The following MZT1 variants were observed in gnomAD, a reference collection of about 807,000 sequenced individuals.
MZT1 encodes mitotic-spindle organizing protein 1.
Under a neutral mutation model 8.5 loss-of-function variants are expected in MZT1, and 8 were observed. The ratio of observed to expected loss-of-function variants is 0.94; its 90% CI spans 0.55 to 1.70. MZT1 has a LOEUF of 1.70. MZT1 is among the 40% of genes most tolerant of loss of function. The probability of loss-of-function intolerance (pLI) is 0.00; values close to 1 mark genes in which losing one functional copy is unlikely to be tolerated. For missense variants in MZT1, 93 were observed against 108.6 expected (o/e 0.86, Z 0.64); for synonymous variants, 38 against 42.0 (o/e 0.90, Z 0.37).
chr13:72,715,322 T>A (rs1331031869), intron 2 of MZT1, among the ~76,000 whole-genome samples: 1 of 152,184 alleles, frequency 6.6e-6, no homozygotes, highest in Non-Finnish European at 1.5e-5. Context: ...ATAATCCCAT[T>A]GTGTCTTGGA....
chr13:72,714,580 T>C (rs1371726715), intron 2 of MZT1, among the ~76,000 whole-genome samples: 1 of 152,132 alleles, frequency 6.6e-6, no homozygotes, highest in Admixed American at 6.5e-5. Flanking sequence ...CCCTGAGAAC[T>C]AGGATAGAAT....
At chr13:72,723,498 T>C (rs2138018411) in intron 1 of MZT1, among the ~76,000 whole-genome samples, 1 of 152,308 alleles carries the variant, frequency 6.6e-6, no homozygotes, top group Non-Finnish European at 1.5e-5. Flanking sequence ...AGGTGCACAA[T>C]ACACAGTTCA....
At chr13:72,711,919 T>C (rs531424607) in intron 2 of MZT1, among the ~76,000 whole-genome samples, 2 of 152,318 alleles carry the variant, frequency 1.3e-5, no homozygotes, top group South Asian at 2.1e-4. Context: ...GTTATTCTTT[T>C]TCAATTCACT....
intron 1 of MZT1, among the ~76,000 whole-genome samples, chr13:72,720,542 TGA>T (rs2032582033): frequency 1.3e-5 from 2 of 152,320 alleles, no homozygotes; most frequent in South Asian, 4.1e-4. Flanking sequence ...ATCATGTTCA[TGA>T]GATAGGTCCC....
intron 2 of MZT1, among the ~76,000 whole-genome samples, chr13:72,713,318 A>T (rs767350302): frequency 2.0e-5 from 3 of 152,202 alleles, no homozygotes; most frequent in Non-Finnish European, 4.4e-5. Context: ...AGATGTCCTA[A>T]AATTTTGGAA....
chr13:72,722,980 A>C (rs1195127813), intron 1 of MZT1, among the ~76,000 whole-genome samples: 1 of 152,172 alleles, frequency 6.6e-6, no homozygotes, highest in Admixed American at 6.5e-5. Context: ...TGTACATTCT[A>C]AGTGGTTACC....
intron 2 of MZT1, 35 bp downstream of exon 2, chr13:72,718,917 T>C: frequency 6.5e-7 from 1 of 1,527,738 alleles, no homozygotes; most frequent in Non-Finnish European, 8.8e-7. Flanking sequence ...AATAAAAGCA[T>C]CTTTATTTAG....
At chr13:72,727,240 G>T (rs1169147393) in intron 1 of MZT1, among the ~76,000 whole-genome samples, 1 of 152,222 alleles carries the variant, frequency 6.6e-6, no homozygotes, top group Non-Finnish European at 1.5e-5. Context: ...GACCTGGGAT[G>T]CGGGATAGAG....
chr13:72,722,311 G>A (rs985104425), intron 1 of MZT1, among the ~76,000 whole-genome samples: 2 of 152,184 alleles, frequency 1.3e-5, no homozygotes, highest in African/African-American at 4.8e-5. Flanking sequence ...ATTAGTGTGA[G>A]AATTAAAGGA....
intron 2 of MZT1, among the ~76,000 whole-genome samples, chr13:72,710,720 C>G (rs1393190887): frequency 6.6e-6 from 1 of 152,056 alleles, no homozygotes; most frequent in Non-Finnish European, 1.5e-5. Context: ...ACCTTTCATG[C>G]TACAAGGCAG....
intron 1 of MZT1, among the ~76,000 whole-genome samples, chr13:72,721,194 G>A (rs995602009): frequency 2.6e-5 from 4 of 152,168 alleles, no homozygotes; most frequent in African/African-American, 4.8e-5. Flanking sequence ...ATGAGATACC[G>A]TTATCTGGAA....
chr13:72,715,347 T>C (rs557098063), intron 2 of MZT1, among the ~76,000 whole-genome samples: 1 of 149,708 alleles, frequency 6.7e-6, no homozygotes, highest in South Asian at 2.1e-4. Flanking sequence ...AATAACTTGT[T>C]TTAGATTTTA....
chr13:72,723,842 A>G (rs942593998), intron 1 of MZT1, among the ~76,000 whole-genome samples: 3 of 29,094 alleles, frequency 1.0e-4, no homozygotes, highest in African/African-American at 1.2e-4. Flanking sequence ...GATTCCAGAT[A>G]TAAGTAAAAT....
chr13:72,723,712 C>T (rs958967810), intron 1 of MZT1, among the ~76,000 whole-genome samples: 8 of 152,054 alleles, frequency 5.3e-5, no homozygotes, highest in Admixed American at 2.6e-4. Flanking sequence ...CAACCTCTAA[C>T]TATATGTATT....
At chr13:72,725,220 A>AC (rs1208153047) in intron 1 of MZT1, among the ~76,000 whole-genome samples, 1 of 152,178 alleles carries the variant, frequency 6.6e-6, no homozygotes, top group Non-Finnish European at 1.5e-5. Context: ...AAAAGAGGCA[A>AC]CCATACACAG....
At chr13:72,722,059 C>T (rs1001602682) in intron 1 of MZT1, among the ~76,000 whole-genome samples, 2 of 152,162 alleles carry the variant, frequency 1.3e-5, no homozygotes, top group East Asian at 1.9e-4. Flanking sequence ...AATTTCACAG[C>T]TGTTGTTCCT....
In MZT1 at chr13:72,709,421, T is replaced by A. The variant is rs1468028820; in HGVS notation, c.*901A>T. 1 of 151,944 alleles carries A rather than the reference T, an allele frequency of 6.6e-6. No homozygotes were observed. Among genetic ancestry groups the A allele is most frequent in the Non-Finnish European group, 1.5e-5 (1 of 67,918 alleles). 9.4% of individuals were successfully genotyped at this position (151,944 alleles called of 1,614,324 possible). On this transcript the variant is annotated 3_prime_UTR_variant, in exon 3 of 3. Transcript: ENST00000377818. ...ATCACCCATCTAATAATTTATTAAA[T>A]AACCATTCAAGATTTATTAGGTAAG...
intron 2 of MZT1, among the ~76,000 whole-genome samples, chr13:72,715,883 C>T (rs896067776): frequency 2.6e-5 from 4 of 151,994 alleles, no homozygotes; most frequent in African/African-American, 9.7e-5. Flanking sequence ...AATTAAACCT[C>T]TTTTCTTTAC....
rs756229083 is a variant in MZT1 at position 72,718,992 on chromosome 13, G to A, written c.185C>T (p.Ser62Leu). 1.0e-5 allele frequency: 16 copies of A among 1,590,484 alleles called. No homozygotes were observed. Among genetic ancestry groups the A allele is most frequent in the Admixed American group, 3.6e-5 (2 of 55,592 alleles). Reference protein sequence around the residue: ...EQGINPEALSSVIKELRKATE... With the variant: ...EQGINPEALSLVIKELRKATE... The stretch of plus-strand genomic sequence containing the variant: ...AGCCTTGCGAAGCTCCTTAATAACC[G>A]ATGATAAAGCTTCTGGGTTAATTCC... Residue 62 changes from serine (S) to leucine (L), a missense_variant, in exon 2 of 3, where the codon TCG (serine) becomes TTG (leucine). By Grantham distance (145) the Ser-to-Leu change is moderately radical (BLOSUM62 -2). Coordinates refer to ENST00000377818, the MANE Select transcript of MZT1 (RefSeq NM_001071775.3).
Sources: allele counts gnomAD v4.1 joint callset (sites outside exome capture counted in the v4.1 genomes callset), GRCh38; gene constraint gnomAD v4.1.1; transcripts MANE v1.5; gene names NCBI Gene and HGNC (gene_info 2026-07-23, HGNC 2026-07-21).